The following ACVR1B variants were observed in gnomAD, a reference collection of about 807,000 sequenced individuals.
ACVR1B encodes the protein activin A receptor type 1B, also known as activin receptor type-1B.
Under a neutral mutation model 55.6 loss-of-function variants are expected in ACVR1B, and 15 were observed. The ratio of observed to expected loss-of-function variants is 0.27; its 90% CI spans 0.18 to 0.42. ACVR1B has a LOEUF of 0.42. ACVR1B is among the 10% of genes least tolerant of loss of function. ACVR1B has a pLI of 1.00. For missense variants in ACVR1B, 359 were observed against 670.1 expected, an observed-to-expected ratio of 0.54 and a Z score of 5.13; for synonymous variants, 247 against 254.6, an observed-to-expected ratio of 0.97 and a Z score of 0.28.
intron 4 of ACVR1B, 90 bp downstream of exon 4, chr12:51,981,289 T>C: frequency 1.8e-6 from 2 of 1,136,872 alleles, no homozygotes; most frequent in Non-Finnish European, 1.3e-6. Flanking sequence ...TTTGCCTTCA[T>C]CATTGTAACC....
intron 1 of ACVR1B, among the ~76,000 whole-genome samples, chr12:51,959,688 A>C (rs1328591249): frequency 6.6e-6 from 1 of 152,208 alleles, no homozygotes; most frequent in African/African-American, 2.4e-5. Context: ...ATAATGAGAA[A>C]TACCCCAAGA....
intron 4 of ACVR1B, 134 bp from the exon 5 acceptor site, chr12:51,983,865 A>G: frequency 2.4e-6 from 2 of 848,196 alleles, no homozygotes; most frequent in South Asian, 3.4e-5. Context: ...ATGGGGCTTC[A>G]GGGGGCATGG....
In ACVR1B at chr12:51,957,322, T is replaced by C. The variant is rs372751423; in HGVS notation, c.91+5488T>C. ...TTAGCCAGGTGTGGTGGTGTGCCTG[T>C]AATCCCAGCTACTCAGGAGGCTGAG... is the stretch of plus-strand genomic sequence containing the variant. On this transcript the variant is annotated intron_variant, in intron 1 of 8. Coordinates refer to ENST00000257963, the MANE Select transcript of ACVR1B (RefSeq NM_004302.5). 5.8e-3 allele frequency among the ~76,000 whole-genome samples: 875 copies of C among 151,242 alleles called. 10 individuals are homozygous for C. The highest frequency in any genetic ancestry group is 0.02 in the African/African-American group (815 of 41,174).
chr12:51,951,776 C>A lies in ACVR1B; in HGVS notation c.33C>A (p.Phe11Leu). 1 of 1,294,816 alleles carries A rather than the reference C, an allele frequency of 7.7e-7. No individual in the cohort carries two copies. The allele number at this position is 1,294,816 out of a possible 1,614,324, so 80.2% of individuals were successfully genotyped here. Residue 11 changes from phenylalanine to leucine, a missense_variant, in exon 1 of 9, where the codon TTC becomes TTA. Phe to Leu is a conservative substitution (Grantham distance 22). Transcript: ENST00000257963. Reference sequence around the variant, plus strand: ...AGTCGGCCGGAGCCTCCTCCTTCTTCCCCCTTGTTGTCCTCCTGCTCGCCG... The same window carrying A: ...AGTCGGCCGGAGCCTCCTCCTTCTTACCCCTTGTTGTCCTCCTGCTCGCCG... MAESAGASSFFPLVVLLLAGS... is the reference protein window; with the variant it reads MAESAGASSFLPLVVLLLAGS...
chr12:51,958,769 T>A (rs961947125), intron 1 of ACVR1B, among the ~76,000 whole-genome samples: 3 of 152,158 alleles, frequency 2.0e-5, no homozygotes, highest in Non-Finnish European at 2.9e-5. Context: ...CCTATGAGAA[T>A]CTAATGCCGC....
intron 1 of ACVR1B, among the ~76,000 whole-genome samples, chr12:51,968,045 G>A (rs1592247840): frequency 6.6e-6 from 1 of 152,154 alleles, no homozygotes; most frequent in East Asian, 1.9e-4. Context: ...GACCAGCCTG[G>A]CCAACATGGC....
At chr12:51,985,686 C>A (rs925372104) in intron 6 of ACVR1B, among the ~76,000 whole-genome samples, 28 of 152,070 alleles carry the variant, frequency 1.8e-4, no homozygotes, top group African/African-American at 6.8e-4. Flanking sequence ...ACACTGTCAT[C>A]TCCTGTGCAG....
intron 1 of ACVR1B, among the ~76,000 whole-genome samples, chr12:51,968,677 G>A (rs1334570958): frequency 2.6e-5 from 4 of 152,180 alleles, no homozygotes; most frequent in African/African-American, 9.7e-5. Context: ...GTTTCTGCCA[G>A]GTTCGTTTCC....
rs769860834 is a variant in ACVR1B, at chr12:51,951,818, G to T, written c.75G>T (p.Gly25=). The T allele has an allele frequency of 7.8e-7, 1 of 1,277,786 alleles. No individual in the cohort carries two copies. The highest frequency in any genetic ancestry group is 3.6e-5 in the South Asian group (1 of 27,766). 79.2% of individuals were successfully genotyped at this position (1,277,786 alleles called of 1,614,324 possible). A position where few individuals can be genotyped will look rare whatever the true frequency, so the allele number is the denominator to read the frequency against. Residue 25 remains glycine (G), a synonymous_variant, in exon 1 of 9, where the codon GGG becomes GGT. Transcript: ENST00000257963. The part of the protein sequence containing the change: ...VLLLAGSGGS[G]PRGVQALLCA... Reference sequence around the variant, plus strand: ...TGCTCGCCGGCAGCGGCGGGTCCGGGCCCCGGGGGGTCCAGGGTGAGTCCT... The same window carrying T: ...TGCTCGCCGGCAGCGGCGGGTCCGGTCCCCGGGGGGTCCAGGGTGAGTCCT...
chr12:51,985,983 G>C (rs1448956302), intron 6 of ACVR1B, among the ~76,000 whole-genome samples: 1 of 152,146 alleles, frequency 6.6e-6, no homozygotes, highest in Admixed American at 6.5e-5. Context: ...GGCTGGGGTG[G>C]CTGGAATCAT....
chr12:51,992,278 G>A, intron 8 of ACVR1B: 1 of 466,352 alleles, frequency 2.1e-6, no homozygotes, highest in Non-Finnish European at 3.8e-6. Context: ...GCTGAGGCAG[G>A]AAGATAGCTT....
At chr12:51,964,840 T>C (rs1228062133) in intron 1 of ACVR1B, among the ~76,000 whole-genome samples, 1 of 152,230 alleles carries the variant, frequency 6.6e-6, no homozygotes, top group African/African-American at 2.4e-5. Flanking sequence ...CTTAGCACCA[T>C]TCTGTTTGAT....
rs561114919 is a variant in ACVR1B at position 51,989,041 on chromosome 12, G to C, written c.1261+2099G>C. Reference sequence around the variant, plus strand: ...GCACTTTGGGAGGCCAAGGTGGGCGGATCACCTGGGAGTTCGAGACCAGCC... The same window carrying C: ...GCACTTTGGGAGGCCAAGGTGGGCGCATCACCTGGGAGTTCGAGACCAGCC... On this transcript the variant is annotated intron_variant, in intron 7 of 8. Coordinates refer to ENST00000257963, the MANE Select transcript of ACVR1B (RefSeq NM_004302.5). Among the ~76,000 whole-genome samples, 5 of 152,238 alleles carry C rather than the reference G, an allele frequency of 3.3e-5. No individual in the cohort carries two copies. In the East Asian group the frequency reaches 9.7e-4, roughly 29 times the overall value.
intron 6 of ACVR1B, 106 bp from the exon 7 acceptor site, chr12:51,986,712 C>G: frequency 6.9e-7 from 1 of 1,456,644 alleles, no homozygotes; most frequent in Non-Finnish European, 9.2e-7. Flanking sequence ...GGGACTTTAT[C>G]AGGGTGATAC....
intron 3 of ACVR1B, among the ~76,000 whole-genome samples, chr12:51,980,764 A>G (rs928707601): frequency 5.9e-5 from 9 of 151,980 alleles, no homozygotes; most frequent in African/African-American, 2.2e-4. Context: ...GTTTGTGTTC[A>G]CTCTTTCCCC....
chr12:51,973,326 A>G (rs1941783132), intron 1 of ACVR1B, among the ~76,000 whole-genome samples: 1 of 152,154 alleles, frequency 6.6e-6, no homozygotes, highest in Non-Finnish European at 1.5e-5. Context: ...AATAGAACCA[A>G]TGTTGTTCTC....
At position 51,996,872 on chromosome 12, in the gene ACVR1B, C is replaced by T. The variant is rs756190967; in HGVS notation, c.*2762C>T. ...ACCAAGTCCAAGCCCGTTCTTACGT[C>T]GCCATAAAGGCCCCCGAACGGCATT... On this transcript the variant is annotated 3_prime_UTR_variant, in exon 9 of 9. Coordinates refer to ENST00000257963, the MANE Select transcript of ACVR1B (RefSeq NM_004302.5). 1.3e-5 allele frequency: 2 copies of T among 152,586 alleles called. No homozygotes were observed. Among genetic ancestry groups the T allele is most frequent in the Admixed American group, 6.5e-5 (1 of 15,268 alleles). The allele number at this position is 152,586 out of a possible 1,614,324, so 9.5% of individuals were successfully genotyped here. A position where few individuals can be genotyped will look rare whatever the true frequency, so the allele number is the denominator to read the frequency against.
rs1043223225 is a variant in ACVR1B, at chr12:51,995,559, T to G, written c.*1449T>G. Reference sequence around the variant, plus strand: ...ATAACTTTTAACTGGAGTGGTTTGATTTCTTTTTTTAATTTTATTGGGAGG... The same window carrying G: ...ATAACTTTTAACTGGAGTGGTTTGAGTTCTTTTTTTAATTTTATTGGGAGG... On this transcript the variant is annotated 3_prime_UTR_variant, in exon 9 of 9. Coordinates refer to ENST00000257963, the MANE Select transcript of ACVR1B (RefSeq NM_004302.5). 5.9e-5 allele frequency: 9 copies of G among 152,610 alleles called. No individual in the cohort carries two copies. Among genetic ancestry groups the G allele is most frequent in the African/African-American group, 2.2e-4 (9 of 41,442 alleles). The allele number at this position is 152,610 out of a possible 1,614,324, so 9.5% of individuals were successfully genotyped here.
intron 1 of ACVR1B, among the ~76,000 whole-genome samples, chr12:51,959,253 G>C (rs936215371): frequency 6.6e-6 from 1 of 152,198 alleles, no homozygotes; most frequent in African/African-American, 2.4e-5. Context: ...TGTCTTGATT[G>C]AACTAGCCCT....
Sources: allele counts gnomAD v4.1 joint callset (sites outside exome capture counted in the v4.1 genomes callset), GRCh38; gene constraint gnomAD v4.1.1; transcripts MANE v1.5; gene names NCBI Gene and HGNC (gene_info 2026-07-23, HGNC 2026-07-21).